Variants in CFTR observed in about 807,000 individuals in gnomAD.
CFTR encodes the protein CF transmembrane conductance regulator, also known as cystic fibrosis transmembrane conductance regulator.
In CFTR, 181 loss-of-function variants were observed where a neutral mutation model predicts 171.6. The observed-to-expected ratio is 1.05, with a 90% CI of 0.93 to 1.19. The LOEUF (loss-of-function observed/expected upper bound fraction) is 1.19, where lower values mean the gene tolerates loss of function less well. Among genes scored for constraint, CFTR ranks in the 50% most tolerant of loss-of-function variants. The pLI is 0.00. For missense variants in CFTR, 1,968 were observed against 1,734.7 expected, an observed-to-expected ratio of 1.13 and a Z score of -2.39; for synonymous variants, 583 against 608.0, an observed-to-expected ratio of 0.96 and a Z score of 0.60.
intron 10 of CFTR, among the ~76,000 whole-genome samples, chr7:117,558,153 CTG>C (rs914117547): frequency 3.3e-5 from 5 of 151,856 alleles, no homozygotes; most frequent in Admixed American, 1.3e-4. Flanking sequence ...TATGAAGTCA[CTG>C]TATTGTCTGT....
chr7:117,606,935 C>A (rs1792309520), intron 18 of CFTR, among the ~76,000 whole-genome samples, 182 bp downstream of exon 18: 1 of 152,086 alleles, frequency 6.6e-6, no homozygotes, highest in African/African-American at 2.4e-5. Flanking sequence ...AATAATAAGT[C>A]AGAACTGCTT....
intron 3 of CFTR, among the ~76,000 whole-genome samples, chr7:117,511,155 G>A (rs894167700): frequency 4.6e-5 from 7 of 152,126 alleles, no homozygotes; most frequent in Admixed American, 3.3e-4. Flanking sequence ...GGAGACACAG[G>A]CTACAGAGCT....
At chr7:117,489,266 TG>T (rs1459403766) in intron 1 of CFTR, among the ~76,000 whole-genome samples, 4 of 152,108 alleles carry the variant, frequency 2.6e-5, no homozygotes, top group Non-Finnish European at 5.9e-5. Flanking sequence ...AGAATATTTT[TG>T]CTCTGAATAT....
intron 8 of CFTR, among the ~76,000 whole-genome samples, chr7:117,541,242 TAG>T (rs573044649): frequency 1.4e-4 from 21 of 147,204 alleles, no homozygotes; most frequent in Admixed American, 2.0e-4. Flanking sequence ...GAGAGAGAAA[TAG>T]AGAGAGAGAG....
At chr7:117,599,139 T>C (rs1792183639) in intron 15 of CFTR, among the ~76,000 whole-genome samples, 2 of 152,230 alleles carry the variant, frequency 1.3e-5, no homozygotes, top group Admixed American at 1.3e-4. Context: ...ACCACATTAA[T>C]GTCTGCCAGT....
chr7:117,601,978 T>C (rs1020018328), intron 15 of CFTR, among the ~76,000 whole-genome samples: 1 of 152,230 alleles, frequency 6.6e-6, no homozygotes, highest in African/African-American at 2.4e-5. Flanking sequence ...ACCAATAATA[T>C]GTTTTAACCT....
chr7:117,485,602 T>C (rs1487926796), intron 1 of CFTR, among the ~76,000 whole-genome samples: 2 of 152,188 alleles, frequency 1.3e-5, no homozygotes, highest in Admixed American at 1.3e-4. Context: ...GCAAAGAGCT[T>C]AGGCTTCTTT....
At chr7:117,571,512 C>T (rs142378078) in intron 11 of CFTR, among the ~76,000 whole-genome samples, 13 of 152,182 alleles carry the variant, frequency 8.5e-5, no homozygotes, top group African/African-American at 3.1e-4. Flanking sequence ...TTTCAGAAAC[C>T]AGACTTTTTA....
intron 10 of CFTR, among the ~76,000 whole-genome samples, chr7:117,549,750 C>T (rs1206921946): frequency 6.6e-6 from 1 of 151,396 alleles, no homozygotes; most frequent in Admixed American, 6.6e-5. Context: ...TTTCAAAATA[C>T]TTTCTAGAAT....
In CFTR at chr7:117,535,385, G is replaced by C. The variant is rs764661797; in HGVS notation, c.717G>C (p.Gly239=). ...FLIVLALFQA[G]LGRMMMKYRD... ...TAGTCCTTGCCCTTTTTCAGGCTGG[G>C]CTAGGGAGAATGATGATGAAGTACA... Residue 239 remains glycine (G), a synonymous_variant, in exon 6 of 27, where the codon GGG becomes GGC. Coordinates refer to ENST00000003084, the MANE Select transcript of CFTR (RefSeq NM_000492.4). 6.2e-7 allele frequency: 1 copy of C among 1,614,096 alleles called. No homozygotes were observed. The highest frequency in any genetic ancestry group is 8.5e-7 in the Non-Finnish European group (1 of 1,180,020).
In CFTR at chr7:117,627,712, C is replaced by T. The variant is rs1800123; in HGVS notation, c.3659C>T (p.Thr1220Ile). The change falls in exon 22 of 27, where the codon ACA becomes ATA. Residue 1220 changes from threonine to isoleucine, a missense_variant. Coordinates refer to ENST00000003084, the MANE Select transcript of CFTR (RefSeq NM_000492.4). ...GTCAAAGATCTCACAGCAAAATACA[C>T]AGAAGGTGGAAATGCCATATTAGAG... ...MTVKDLTAKY[T>I]EGGNAILENI... The T allele has an allele frequency of 5.6e-5, 90 of 1,613,268 alleles. No homozygotes were observed. In the East Asian group the frequency reaches 1.0e-3, roughly 18 times the overall value.
chr7:117,624,096 T>G (rs1305141489), intron 21 of CFTR, among the ~76,000 whole-genome samples: 2 of 152,178 alleles, frequency 1.3e-5, no homozygotes, highest in Non-Finnish European at 2.9e-5. Context: ...TGAAATTAAG[T>G]GTACAAGAAA....
intron 10 of CFTR, among the ~76,000 whole-genome samples, chr7:117,556,741 G>T (rs944098798): frequency 6.7e-6 from 1 of 149,740 alleles, no homozygotes; most frequent in Non-Finnish European, 1.5e-5. Context: ...GGATGGTCTC[G>T]ATCTCCTGAC....
At chr7:117,585,044 G>A (rs374897643) in intron 11 of CFTR, among the ~76,000 whole-genome samples, 1 of 151,782 alleles carries the variant, frequency 6.6e-6, no homozygotes, top group Non-Finnish European at 1.5e-5. Context: ...AGTATAGACT[G>A]TAGTTCCTTA....
At chr7:117,644,082 T>C (rs560854428) in intron 23 of CFTR, among the ~76,000 whole-genome samples, 48 of 152,192 alleles carry the variant, frequency 3.2e-4, no homozygotes, top group Non-Finnish European at 5.9e-4. Flanking sequence ...ATTTCCACTC[T>C]TCTATGGTTT....
intron 12 of CFTR, 124 bp downstream of exon 12, chr7:117,587,957 T>G: frequency 1.4e-6 from 1 of 694,872 alleles, no homozygotes; most frequent in Non-Finnish European, 2.6e-6. Flanking sequence ...TGGGGTTTTA[T>G]GGCTAGTGGG....
At chr7:117,545,151 A>G (rs1202958688) in intron 9 of CFTR, among the ~76,000 whole-genome samples, 1 of 152,270 alleles carries the variant, frequency 6.6e-6, no homozygotes, top group Non-Finnish European at 1.5e-5. Context: ...ATGGAGGCAG[A>G]TAAGAGCATA....
Position 117,534,313 on chromosome 7 carries a change from G to C in CFTR, c.527G>C (p.Ser176Thr), listed in dbSNP as rs762849766. Residue 176 changes from serine to threonine, a missense_variant, in exon 5 of 27, where the codon AGT becomes ACT. Coordinates refer to ENST00000003084, the MANE Select transcript of CFTR (RefSeq NM_000492.4). The stretch of plus-strand genomic sequence containing the variant: ...TCAAGCCGTGTTCTAGATAAAATAA[G>C]TATTGGACAACTTGTTAGTCTCCTT... ...KLSSRVLDKI[S>T]IGQLVSLLSN... 10 of 1,604,808 alleles carry C rather than the reference G, an allele frequency of 6.2e-6. No homozygotes were observed. The highest frequency in any genetic ancestry group is 6.8e-6 in the Non-Finnish European group (8 of 1,172,216).
chr7:117,510,072 A>G (rs990896149), intron 3 of CFTR, among the ~76,000 whole-genome samples: 1 of 152,184 alleles, frequency 6.6e-6, no homozygotes, highest in Non-Finnish European at 1.5e-5. Flanking sequence ...GAGTACACTT[A>G]GGCCCAGAAT....
Sources: allele counts gnomAD v4.1 joint callset (sites outside exome capture counted in the v4.1 genomes callset), GRCh38; gene constraint gnomAD v4.1.1; transcripts MANE v1.5; gene names NCBI Gene and HGNC (gene_info 2026-07-23, HGNC 2026-07-21).